The following CDH9 variants were observed in gnomAD, a reference collection of about 807,000 sequenced individuals.
CDH9 encodes the protein cadherin 9, also known as cadherin-9.
Under a neutral mutation model 70.9 loss-of-function variants are expected in CDH9, and 28 were observed. That is an observed-to-expected ratio of 0.40 (90% CI 0.29 to 0.54). The LOEUF is 0.54. Among genes scored for constraint, CDH9 ranks in the 20% least tolerant of loss-of-function variants. The pLI is 0.59. For missense variants in CDH9, 874 were observed against 984.4 expected (o/e 0.89, Z 1.50); for synonymous variants, 409 against 343.1 (o/e 1.19, Z -2.12).
intron 1 of CDH9, among the ~76,000 whole-genome samples, chr5:27,028,602 G>A (rs889335750): frequency 2.0e-5 from 3 of 151,998 alleles, no homozygotes; most frequent in Non-Finnish European, 2.9e-5. Flanking sequence ...CTGTTTTGAC[G>A]AGAGTGATTT....
intron 1 of CDH9, among the ~76,000 whole-genome samples, chr5:27,013,857 T>C (rs1004228741): frequency 6.6e-5 from 10 of 152,000 alleles, no homozygotes; most frequent in African/African-American, 2.4e-4. Flanking sequence ...TCCCATTCTA[T>C]ATCCCATACA....
intron 11 of CDH9, 72 bp downstream of exon 11, chr5:26,885,542 A>C: frequency 8.5e-7 from 1 of 1,183,290 alleles, no homozygotes; most frequent in South Asian, 1.3e-5. Context: ...ATTGTTATTC[A>C]GTGCACCATG....
chr5:26,947,002 G>A (rs1471620211), intron 2 of CDH9, among the ~76,000 whole-genome samples: 1 of 152,152 alleles, frequency 6.6e-6, no homozygotes, highest in African/African-American at 2.4e-5. Flanking sequence ...AGATTTTTCA[G>A]TGATTGTATA....
At chr5:27,027,790 C>A (rs1276873821) in intron 1 of CDH9, among the ~76,000 whole-genome samples, 2 of 151,960 alleles carry the variant, frequency 1.3e-5, no homozygotes, top group Admixed American at 6.6e-5. Flanking sequence ...GGGAAGAGAT[C>A]ATGGGTCTCC....
chr5:27,002,520 C>A (rs1241280525), intron 1 of CDH9, among the ~76,000 whole-genome samples: 1 of 152,044 alleles, frequency 6.6e-6, no homozygotes, highest in Non-Finnish European at 1.5e-5. Context: ...GGAACCAACC[C>A]AAATGTCCAT....
chr5:26,939,005 T>G (rs1741611154), intron 2 of CDH9, among the ~76,000 whole-genome samples: 1 of 152,088 alleles, frequency 6.6e-6, no homozygotes, highest in Non-Finnish European at 1.5e-5. Flanking sequence ...AAATATTGTG[T>G]GAAATTACAA....
rs775745639 is a variant in CDH9, at chr5:26,906,044, A to C, written c.726T>G (p.Gly242=). 2.5e-5 allele frequency: 41 copies of C among 1,613,444 alleles called. No homozygotes were observed. The highest frequency in any genetic ancestry group is 1.4e-5 in the Non-Finnish European group (16 of 1,179,458). ...YQVVIQAKDM[G]GQMGGLSGTT... ...TTCCAGAAAGGCCTCCCATCTGGCC[A>C]CCCATGTCTTTGGCCTGTATAACAA... Residue 242 remains glycine (G), a synonymous_variant, in exon 5 of 12, where the codon GGT becomes GGG. Transcript: ENST00000231021.
intron 2 of CDH9, among the ~76,000 whole-genome samples, chr5:26,964,836 C>T (rs1405861908): frequency 2.1e-5 from 3 of 145,956 alleles, no homozygotes; most frequent in Non-Finnish European, 4.5e-5. Context: ...TCCCTGTGTC[C>T]ATGTGTTCTC....
chr5:26,980,489 A>G (rs1180211672), intron 2 of CDH9, among the ~76,000 whole-genome samples: 1 of 151,986 alleles, frequency 6.6e-6, no homozygotes, highest in Non-Finnish European at 1.5e-5. Context: ...TATTTTCACA[A>G]TATTTCCCTG....
chr5:26,937,547 G>A (rs2112031350), intron 2 of CDH9, among the ~76,000 whole-genome samples: 1 of 152,174 alleles, frequency 6.6e-6, no homozygotes, highest in Middle Eastern at 3.4e-3. Context: ...AATATGTATA[G>A]CAACTTTATG....
chr5:26,949,284 C>T (rs9293254), intron 2 of CDH9, among the ~76,000 whole-genome samples: 14,849 of 152,098 alleles, frequency 0.098, 2,399 homozygotes, highest in African/African-American at 0.34. Flanking sequence ...AGAAGGGGCA[C>T]TGATAGGTGT....
chr5:26,979,102 A>G (rs1239765722), intron 2 of CDH9, among the ~76,000 whole-genome samples: 1 of 151,694 alleles, frequency 6.6e-6, no homozygotes, highest in Non-Finnish European at 1.5e-5. Context: ...AATTAATAGA[A>G]AAGATTATCT....
At chr5:26,963,787 T>C (rs1172402080) in intron 2 of CDH9, among the ~76,000 whole-genome samples, 1 of 152,048 alleles carries the variant, frequency 6.6e-6, no homozygotes, top group Non-Finnish European at 1.5e-5. Context: ...TCCCAGAGAT[T>C]AGGAAACTGG....
intron 1 of CDH9, among the ~76,000 whole-genome samples, chr5:27,020,736 A>G (rs1173060270): frequency 1.3e-5 from 2 of 150,344 alleles, no homozygotes; most frequent in Non-Finnish European, 3.0e-5. Context: ...ACGCACACAC[A>G]CACACACACA....
At chr5:26,957,454 G>C (rs1239377016) in intron 2 of CDH9, among the ~76,000 whole-genome samples, 1 of 152,030 alleles carries the variant, frequency 6.6e-6, no homozygotes, top group Non-Finnish European at 1.5e-5. Context: ...CTGAGGTCAG[G>C]AGTTCCAGAC....
intron 2 of CDH9, among the ~76,000 whole-genome samples, chr5:26,971,231 A>G (rs1180429723): frequency 6.6e-6 from 1 of 152,180 alleles, no homozygotes; most frequent in Non-Finnish European, 1.5e-5. Flanking sequence ...TGAAGCACGC[A>G]TTACCAGGAG....
chr5:26,943,559 G>C (rs1243424339), intron 2 of CDH9, among the ~76,000 whole-genome samples: 1 of 151,412 alleles, frequency 6.6e-6, no homozygotes, highest in East Asian at 1.9e-4. Context: ...AGGCTCCAGA[G>C]GGCAAGGAGA....
chr5:26,974,046 A>G (rs1742264364), intron 2 of CDH9, among the ~76,000 whole-genome samples: 1 of 152,140 alleles, frequency 6.6e-6, no homozygotes, highest in African/African-American at 2.4e-5. Flanking sequence ...GGAGTTCAAG[A>G]CCAGCCTAGC....
chr5:26,944,966 G>A (rs1286051443), intron 2 of CDH9, among the ~76,000 whole-genome samples: 1 of 44,488 alleles, frequency 2.2e-5, no homozygotes, highest in East Asian at 0.013. Context: ...AGAACTCTGA[G>A]TGAAACTATC....
Sources: allele counts gnomAD v4.1 joint callset (sites outside exome capture counted in the v4.1 genomes callset), GRCh38; gene constraint gnomAD v4.1.1; transcripts MANE v1.5; gene names NCBI Gene and HGNC (gene_info 2026-07-23, HGNC 2026-07-21).